NOX5: variants seen among roughly 807,000 people sequenced by gnomAD.
NOX5 encodes the protein NADPH oxidase 5.
NOX5 carries 76 observed loss-of-function variants against 85.7 expected under a neutral mutation model. That is an observed-to-expected ratio of 0.89 (90% CI 0.74 to 1.07). NOX5 has a LOEUF of 1.07. Among genes scored for constraint, NOX5 ranks in the 50% least tolerant of loss-of-function variants. The pLI is 0.00. For missense variants in NOX5, 973 were observed against 999.5 expected (o/e 0.97, Z 0.36); for synonymous variants, 405 against 401.4 (o/e 1.01, Z -0.11).
chr15:69,059,320 CGTGA>C lies in NOX5; in HGVS notation c.*2628_*2631del, dbSNP rs2050849698. 6.6e-6 allele frequency: 1 copy of C among 152,088 alleles called. No individual in the cohort carries two copies. The highest frequency in any genetic ancestry group is 1.5e-5 in the Non-Finnish European group (1 of 68,024). 9.4% of individuals were successfully genotyped at this position (152,088 alleles called of 1,614,324 possible). On this transcript the variant is annotated 3_prime_UTR_variant, in exon 16 of 16. Transcript: ENST00000388866. ...TGTTTCCCAGGAAGTGAGACTGGTC[CGTGA>C]GTGGCAGTTAATCAAAGGGAAAGGG...
At position 69,055,319 on chromosome 15, in the gene NOX5, TC is replaced by T. The variant is rs1368542393; in HGVS notation, c.2000-11del. 1.2e-6 allele frequency: 2 copies of T among 1,613,092 alleles called. No individual in the cohort carries two copies. The highest frequency in any genetic ancestry group is 1.7e-5 in the Admixed American group (1 of 59,990). ...TACTAGACCCTCAGTGCAGCCCTTG[TC>T]CCCTGCCCAACAGGCCGCTTCCTGG... On this transcript the variant is annotated splice_polypyrimidine_tract_variant and intron_variant, in intron 14 of 15. Coordinates refer to ENST00000388866, the MANE Select transcript of NOX5 (RefSeq NM_024505.4).
At position 69,060,138 on chromosome 15, in the gene NOX5, A is replaced by G. The variant is rs569480221; in HGVS notation, c.*3442A>G. On this transcript the variant is annotated 3_prime_UTR_variant, in exon 16 of 16. Coordinates refer to ENST00000388866, the MANE Select transcript of NOX5 (RefSeq NM_024505.4). ...CTGTGAGGACAGCGCTGACGGAGACAGCAGGCATTCCTGAAATGACCAATC... is the reference window on the plus strand; with the variant it reads ...CTGTGAGGACAGCGCTGACGGAGACGGCAGGCATTCCTGAAATGACCAATC... 6.6e-6 allele frequency: 1 copy of G among 152,350 alleles called. No individual in the cohort carries two copies. Among genetic ancestry groups the G allele is most frequent in the East Asian group, 1.9e-4 (1 of 5,204 alleles). The allele number at this position is 152,350 out of a possible 1,614,324, so 9.4% of individuals were successfully genotyped here.
chr15:69,030,689 C>T (rs536113482), intron 3 of NOX5: 3 of 152,266 alleles, frequency 2.0e-5, no homozygotes, highest in African/African-American at 4.8e-5. Flanking sequence ...GATTCTGCAT[C>T]GTAATGTGAT....
intron 15 of NOX5, among the ~76,000 whole-genome samples, chr15:69,056,202 G>A (rs1296489375): frequency 6.6e-6 from 1 of 152,148 alleles, no homozygotes; most frequent in African/African-American, 2.4e-5. Flanking sequence ...CTAACACCAG[G>A]TTCAGACTCC....
rs149411998 is a variant in NOX5, at chr15:69,014,767, G to C, written c.32G>C (p.Gly11Ala). 3.6e-5 allele frequency: 56 copies of C among 1,550,264 alleles called. No individual in the cohort carries two copies. In the East Asian group the frequency reaches 1.4e-3, roughly 38 times the overall value. Residue 11 changes from glycine (G) to alanine (A), a missense_variant, in exon 1 of 16, where the codon GGC becomes GCC. Coordinates refer to ENST00000388866, the MANE Select transcript of NOX5 (RefSeq NM_024505.4). MNTSGDPAQTGPEGCRGTMSA... is the reference protein window; with the variant it reads MNTSGDPAQTAPEGCRGTMSA... ...ACATCTGGAGACCCAGCCCAGACGG[G>C]CCCTGAAGGCTGTAGAGGGTGAGTG...
At chr15:69,021,160 T>C (rs1468242755) in intron 1 of NOX5, among the ~76,000 whole-genome samples, 2 of 152,142 alleles carry the variant, frequency 1.3e-5, no homozygotes, top group East Asian at 3.9e-4. Flanking sequence ...TTTCATATGC[T>C]CTTTTCATTG....
In NOX5 at chr15:69,031,554, G is replaced by A. The variant is rs367806524; in HGVS notation, c.362G>A (p.Trp121Ter). 4.3e-6 allele frequency: 7 copies of A among 1,611,800 alleles called. No homozygotes were observed. The highest frequency in any genetic ancestry group is 4.5e-5 in the East Asian group (2 of 44,890). Residue 121 changes from tryptophan (W) to a stop codon, truncating the protein, a stop_gained, in exon 4 of 16, where the codon TGG (tryptophan) becomes TAG (stop). Transcript: ENST00000388866. LOFTEE classifies it high-confidence loss of function. Reference protein sequence around the residue: ...ARQGASAGTEWGAGAGPHWAS... With the variant: ...ARQGASAGTE ...CAGGGGGCGTCTGCAGGTACAGAGT[G>A]GGGTGCTGGGGCAGGCCCGCACTGG...
In NOX5 at chr15:69,048,989, C is replaced by G; in HGVS notation, c.1930C>G (p.Arg644Gly). 6.2e-7 allele frequency: 1 copy of G among 1,612,588 alleles called. No homozygotes were observed. Among genetic ancestry groups the G allele is most frequent in the South Asian group, 1.1e-5 (1 of 90,544 alleles). ...VDFIWINRDQ[R>G]SFEWFVSLLT... ...CTTTATCTGGATCAACAGAGACCAG[C>G]GGTCTTTCGAGTGGTTTGTGAGCCT... is the stretch of plus-strand genomic sequence containing the variant. Residue 644 changes from arginine (R) to glycine (G), a missense_variant, in exon 14 of 16, where the codon CGG becomes GGG. By Grantham distance (125) the Arg-to-Gly change is moderately radical. Coordinates refer to ENST00000388866, the MANE Select transcript of NOX5 (RefSeq NM_024505.4).
At chr15:69,041,329 C>G (rs2050592497) in intron 9 of NOX5, among the ~76,000 whole-genome samples, 1 of 152,186 alleles carries the variant, frequency 6.6e-6, no homozygotes, top group Admixed American at 6.5e-5. Context: ...CTTTTCAATC[C>G]ACTCCTCATA....
intron 10 of NOX5, among the ~76,000 whole-genome samples, chr15:69,045,661 C>G (rs936058367): frequency 1.3e-5 from 2 of 149,234 alleles, no homozygotes; most frequent in African/African-American, 5.0e-5. Context: ...CCCTCCCTCT[C>G]TCTTTCTTTC....
In NOX5 at chr15:69,034,880, C is replaced by A. The variant is rs141273689; in HGVS notation, c.856-474C>A. Among the ~76,000 whole-genome samples the A allele has an allele frequency of 1.8e-4, 27 of 152,210 alleles. No homozygotes were observed. The East Asian group carries it at 4.6e-3, about 26-fold the overall frequency. On this transcript the variant is annotated intron_variant, in intron 5 of 15. Coordinates refer to ENST00000388866, the MANE Select transcript of NOX5 (RefSeq NM_024505.4). ...CTCAAGCAGTCCTCCTGCCTCAGCCCCCTAAGTAGCTAGGATTACAGGTGT... is the reference window on the plus strand; with the variant it reads ...CTCAAGCAGTCCTCCTGCCTCAGCCACCTAAGTAGCTAGGATTACAGGTGT...
At chr15:69,017,005 T>C (rs1055336605) in intron 1 of NOX5, among the ~76,000 whole-genome samples, 6 of 152,108 alleles carry the variant, frequency 3.9e-5, no homozygotes, top group African/African-American at 1.4e-4. Flanking sequence ...GGATTACTGA[T>C]AGAACAGACC....
intron 2 of NOX5, among the ~76,000 whole-genome samples, 189 bp downstream of exon 2, chr15:69,026,840 C>A (rs1184138123): frequency 6.6e-6 from 1 of 152,218 alleles, no homozygotes; most frequent in Non-Finnish European, 1.5e-5. Context: ...GGGTCTTCAA[C>A]ACATGAAGTT....
chr15:69,053,157 T>A (rs1205421279), intron 14 of NOX5, among the ~76,000 whole-genome samples: 2 of 152,248 alleles, frequency 1.3e-5, no homozygotes. Flanking sequence ...AATTTTTCAT[T>A]GCTATAGCTT....
At chr15:69,044,685 T>G (rs1450675449) in intron 10 of NOX5, among the ~76,000 whole-genome samples, 1 of 152,164 alleles carries the variant, frequency 6.6e-6, no homozygotes, top group Non-Finnish European at 1.5e-5. Flanking sequence ...TATGTAAAAG[T>G]GTTGTGTATG....
intron 9 of NOX5, among the ~76,000 whole-genome samples, chr15:69,040,779 C>T (rs1387259930): frequency 3.3e-5 from 5 of 151,982 alleles, no homozygotes; most frequent in African/African-American, 4.8e-5. Context: ...CTCCGCCTCC[C>T]GGGTTCTTCT....
At chr15:69,028,136 C>A (rs2050382902) in intron 2 of NOX5, 79 bp from the exon 3 acceptor site, 3 of 1,468,488 alleles carry the variant, frequency 2.0e-6, no homozygotes, top group Non-Finnish European at 2.7e-6. Context: ...CCACCCCAGA[C>A]ACAGGGAGAC....
chr15:69,024,464 C>T (rs1185622485), intron 1 of NOX5, among the ~76,000 whole-genome samples: 2 of 152,018 alleles, frequency 1.3e-5, no homozygotes, highest in Admixed American at 1.3e-4. Flanking sequence ...TCAGTGAATC[C>T]ACACTATACA....
At chr15:69,037,306 A>G in intron 8 of NOX5, 96 bp downstream of exon 8, 1 of 1,230,196 alleles carries the variant, frequency 8.1e-7, no homozygotes, top group Middle Eastern at 2.8e-4. Flanking sequence ...ACCCCCAAGG[A>G]AATAGAGAAT....
Sources: gnomAD v4.1 joint callset for allele counts (sites outside exome capture counted in the v4.1 genomes callset) on GRCh38, gnomAD v4.1.1 for gene constraint, MANE v1.5 for transcripts, NCBI Gene and HGNC (gene_info 2026-07-23, HGNC 2026-07-21) for gene names.